The following SYT4 variants were observed in gnomAD, a reference collection of about 807,000 sequenced individuals.
The protein encoded by SYT4 is synaptotagmin-4.
A neutral mutation model predicts 32.9 loss-of-function variants in SYT4; 7 were observed. That is an observed-to-expected ratio of 0.21 (90% confidence interval 0.12 to 0.40). SYT4 has a LOEUF of 0.40. Among genes scored for constraint, SYT4 ranks in the 10% least tolerant of loss-of-function variants. The pLI is 1.00. For synonymous variants in SYT4, 205 were observed against 186.2 expected (o/e 1.10, Z -0.82); for missense variants, 480 against 488.0 (o/e 0.98, Z 0.16).
intron 1 of SYT4, 42 bp downstream of exon 1, chr18:43,277,206 T>C (rs141658888): frequency 6.2e-6 from 10 of 1,613,304 alleles, no homozygotes; most frequent in Non-Finnish European, 7.6e-6. Context: ...CCCCAGAGTA[T>C]TCAAGGAATA....
At chr18:43,277,196 C>T (rs1908821066) in intron 1 of SYT4, 52 bp downstream of exon 1, 2 of 1,610,066 alleles carry the variant, frequency 1.2e-6, no homozygotes, top group Non-Finnish European at 8.5e-7. Context: ...AAACAGTCCA[C>T]CCCAGAGTAT....
Position 43,269,776 on chromosome 18 carries a change from T to A in SYT4, c.*565A>T, listed in dbSNP as rs1181031046. 6.5e-6 allele frequency: 1 copy of A among 153,886 alleles called. No individual in the cohort carries two copies. Among genetic ancestry groups the A allele is most frequent in the African/African-American group, 2.4e-5 (1 of 41,460 alleles). 9.5% of individuals were successfully genotyped at this position (153,886 alleles called of 1,614,324 possible). On this transcript the variant is annotated 3_prime_UTR_variant, in exon 4 of 4. Coordinates refer to ENST00000255224, the MANE Select transcript of SYT4 (RefSeq NM_020783.4). ...CTTTTGAAATGAATCTGAGTTACTC[T>A]TATGATAAAATTGCATCAAATAATT...
In SYT4 at chr18:43,277,471, G is replaced by A; in HGVS notation, c.-190C>T. Reference sequence around the variant, plus strand: ...CCTCGCACAGTGATTTGCCACCTCGGTTCCTGTTTTGGCTCTTCTGAGAAG... The same window carrying A: ...CCTCGCACAGTGATTTGCCACCTCGATTCCTGTTTTGGCTCTTCTGAGAAG... On this transcript the variant is annotated 5_prime_UTR_variant, in exon 1 of 4. Transcript: ENST00000255224. 1.6e-6 allele frequency: 1 copy of A among 616,028 alleles called. No homozygotes were observed. The highest frequency in any genetic ancestry group is 2.1e-5 in the South Asian group (1 of 48,390). 38.2% of individuals were successfully genotyped at this position (616,028 alleles called of 1,614,324 possible). A position where few individuals can be genotyped will look rare whatever the true frequency, so the allele number is the denominator to read the frequency against.
Position 43,277,364 on chromosome 18 carries a change from TCGGAG to T in SYT4, c.-88_-84del. The T allele has an allele frequency of 6.4e-7, 1 of 1,574,782 alleles. No homozygotes were observed. The highest frequency in any genetic ancestry group is 8.7e-7 in the Non-Finnish European group (1 of 1,145,444). ...TTGCCTGGATCTCAAGCGCCGGCTT[TCGGAG>T]CGCTGAAAACAACAGCGCAGAGCCC... On this transcript the variant is annotated 5_prime_UTR_variant, in exon 1 of 4. Transcript: ENST00000255224.
intron 1 of SYT4, among the ~76,000 whole-genome samples, chr18:43,276,870 T>C (rs1311231913): frequency 2.6e-5 from 4 of 152,152 alleles, no homozygotes; most frequent in Non-Finnish European, 5.9e-5. Context: ...CAGAGATATA[T>C]TTATCTTCTC....
intron 3 of SYT4, among the ~76,000 whole-genome samples, 163 bp downstream of exon 3, chr18:43,271,549 G>C (rs1435304706): frequency 1.3e-5 from 2 of 152,006 alleles, no homozygotes; most frequent in African/African-American, 4.8e-5. Flanking sequence ...TTGGCGTTTT[G>C]TTTCATTTTT....
Position 43,270,242 on chromosome 18 carries a change from A to T in SYT4, c.*99T>A. ...TCTAGCAACAACAACAACAACAAAA[A>T]GGTAGCTTGATTTCCCAAGCTTGCA... is the stretch of plus-strand genomic sequence containing the variant. On this transcript the variant is annotated 3_prime_UTR_variant, in exon 4 of 4. Transcript: ENST00000255224. 4.7e-6 allele frequency: 6 copies of T among 1,276,416 alleles called. No homozygotes were observed. Among genetic ancestry groups the T allele is most frequent in the Non-Finnish European group, 6.5e-6 (6 of 917,636 alleles). The allele number at this position is 1,276,416 out of a possible 1,614,324, so 79.1% of individuals were successfully genotyped here. A position where few individuals can be genotyped will look rare whatever the true frequency, so the allele number is the denominator to read the frequency against.
chr18:43,270,587 A>G lies in SYT4; in HGVS notation c.1032T>C (p.His344=), dbSNP rs768445880. 9.3e-6 allele frequency: 15 copies of G among 1,613,968 alleles called. No individual in the cohort carries two copies. The highest frequency in any genetic ancestry group is 2.7e-5 in the African/African-American group (2 of 75,000). ...AKKRISKKKT[H]VKKCTPNAVF... ...CTGCATTGGGGGTGCATTTCTTCAC[A>G]TGAGTCTTCTTCTTGGAGATTCTCT... Residue 344 remains histidine, a synonymous_variant, in exon 4 of 4, where the codon CAT becomes CAC. Transcript: ENST00000255224.
rs1221169488 is a variant in SYT4, at chr18:43,269,195, A to G, written c.*1146T>C. Reference sequence around the variant, plus strand: ...ATTAGCCTAGAAAAGATAGTGAAACACATTCTTTGTTGTGCTAATTTGACA... The same window carrying G: ...ATTAGCCTAGAAAAGATAGTGAAACGCATTCTTTGTTGTGCTAATTTGACA... On this transcript the variant is annotated 3_prime_UTR_variant, in exon 4 of 4. Coordinates refer to ENST00000255224, the MANE Select transcript of SYT4 (RefSeq NM_020783.4). 1.3e-5 allele frequency: 2 copies of G among 152,234 alleles called. No homozygotes were observed. Among genetic ancestry groups the G allele is most frequent in the Admixed American group, 1.3e-4 (2 of 15,276 alleles). 9.4% of individuals were successfully genotyped at this position (152,234 alleles called of 1,614,324 possible).
chr18:43,273,531 C>A, intron 2 of SYT4, 49 bp downstream of exon 2: 1 of 1,349,070 alleles, frequency 7.4e-7, no homozygotes, highest in African/African-American at 1.5e-5. Flanking sequence ...CACCAAAATG[C>A]TACATAAAAG....
Sources: gnomAD v4.1 joint callset for allele counts (sites outside exome capture counted in the v4.1 genomes callset) on GRCh38, gnomAD v4.1.1 for gene constraint, MANE v1.5 for transcripts, NCBI Gene and HGNC (gene_info 2026-07-23, HGNC 2026-07-21) for gene names.